Variants in BICRA observed in about 807,000 individuals in gnomAD.
The protein encoded by BICRA is BRD4 interacting chromatin remodeling complex associated protein, also known as BRD4-interacting chromatin-remodeling complex-associated protein.
A neutral mutation model predicts 96.9 loss-of-function variants in BICRA; 31 were observed. The ratio of observed to expected loss-of-function variants is 0.32; its 90% CI spans 0.24 to 0.43. BICRA has a LOEUF of 0.43. Ranked by LOEUF, BICRA falls within the 20% of genes least tolerant of loss-of-function variation. The pLI, the probability that BICRA is intolerant of heterozygous loss-of-function variation, is 1.00. For synonymous variants in BICRA, 1,350 were observed against 1,071.8 expected (o/e 1.26, Z -5.07); for missense variants, 2,283 against 2,190.3 (o/e 1.04, Z -0.84).
chr19:47,616,898 G>A (rs1253365680), intron 1 of BICRA, among the ~76,000 whole-genome samples: 5 of 149,134 alleles, frequency 3.4e-5, no homozygotes, highest in Non-Finnish European at 6.0e-5. Flanking sequence ...GTGTGATCTT[G>A]GCTCACTGCA....
chr19:47,695,166 G>A (rs974921315), intron 9 of BICRA, 86 bp downstream of exon 9: 1 of 938,828 alleles, frequency 1.1e-6, no homozygotes. Context: ...GGCTGGGGCA[G>A]GGCTGTGGGA....
intron 7 of BICRA, among the ~76,000 whole-genome samples, chr19:47,692,959 T>C (rs1482130799): frequency 6.6e-6 from 1 of 152,256 alleles, no homozygotes; most frequent in Non-Finnish European, 1.5e-5. Flanking sequence ...CAGTTCCGCC[T>C]TCACCAGCCT....
Position 47,701,959 on chromosome 19 carries a change from A to C in BICRA, c.4227A>C (p.Ala1409=), listed in dbSNP as rs1336528534. 1 of 1,456,656 alleles carries C rather than the reference A, an allele frequency of 6.9e-7. No homozygotes were observed. The allele number at this position is 1,456,656 out of a possible 1,614,324, so 90.2% of individuals were successfully genotyped here. Residue 1409 remains alanine, a synonymous_variant, in exon 15 of 15, where the codon GCA becomes GCC. Coordinates refer to ENST00000594866, the MANE Select transcript of BICRA (RefSeq NM_001394372.1). This position sits in a 1 kb window ranked among gnomAD's most constrained non-coding sequence, Gnocchi z 5.4. ...GAPEGTPAGR[A]RGGSPAPLPA... is the part of the protein sequence containing the mutation. ...CGGAGGGGACGCCCGCAGGCAGGGCACGGGGAGGCAGCCCGGCGCCGCTGC... is the reference window on the plus strand; with the variant it reads ...CGGAGGGGACGCCCGCAGGCAGGGCCCGGGGAGGCAGCCCGGCGCCGCTGC...
intron 1 of BICRA, among the ~76,000 whole-genome samples, chr19:47,657,238 C>G (rs1972632468): frequency 6.6e-6 from 1 of 152,112 alleles, no homozygotes; most frequent in African/African-American, 2.4e-5. Flanking sequence ...TCAGCATGAT[C>G]CATTTAAGAC....
upstream of BICRA, among the ~76,000 whole-genome samples, chr19:47,608,893 GTTTTTTT>G (rs368469481): frequency 7.7e-6 from 1 of 129,488 alleles, no homozygotes; most frequent in Non-Finnish European, 1.6e-5. Flanking sequence ...AACCTGAGAG[GTTTTTTT>G]TTTTTTTTTT....
chr19:47,696,930 C>G (rs750529866), intron 11 of BICRA, among the ~76,000 whole-genome samples: 25 of 151,600 alleles, frequency 1.6e-4, no homozygotes, highest in Non-Finnish European at 3.1e-4. Flanking sequence ...GGAGTCTGGG[C>G]GGATGGATGG....
At chr19:47,672,426 G>T (rs1303706928) in intron 2 of BICRA, among the ~76,000 whole-genome samples, 1 of 150,956 alleles carries the variant, frequency 6.6e-6, no homozygotes, top group Non-Finnish European at 1.5e-5. Context: ...GAAGGATGGA[G>T]GGATGGGTAG....
chr19:47,698,880 ATGCTGACCCTGCCCCGCCCTCCTTC>A lies in BICRA; in HGVS notation c.3398-84_3398-60del. The A allele has an allele frequency of 2.2e-6, 3 of 1,347,948 alleles. No homozygotes were observed. Among genetic ancestry groups the A allele is most frequent in the Non-Finnish European group, 3.1e-6 (3 of 962,078 alleles). 83.5% of individuals were successfully genotyped at this position (1,347,948 alleles called of 1,614,324 possible). A position where few individuals can be genotyped will look rare whatever the true frequency, so the allele number is the denominator to read the frequency against. On this transcript the variant is annotated intron_variant, in intron 12 of 14. Transcript: ENST00000594866. This position sits in a 1 kb window ranked among gnomAD's most constrained non-coding sequence, Gnocchi z 4.8. ...TGGAGCCGCAGGTCCACGGTGCGCTATGCTGACCCTGCCCCGCCCTCCTTCCTGCGCATCCGCGGCCGCCCCCAAC... is the reference window on the plus strand; with the variant it reads ...TGGAGCCGCAGGTCCACGGTGCGCTACTGCGCATCCGCGGCCGCCCCCAAC...
chr19:47,666,344 A>G (rs372946225), intron 1 of BICRA, among the ~76,000 whole-genome samples: 22 of 151,184 alleles, frequency 1.5e-4, no homozygotes, highest in Non-Finnish European at 1.3e-4. Context: ...CAGTGGCGCA[A>G]TCTCAGCTCA....
intron 1 of BICRA, chr19:47,663,546 G>C (rs140749059): frequency 3.3e-5 from 5 of 152,192 alleles, no homozygotes; most frequent in Admixed American, 1.3e-4. Flanking sequence ...GCAAAAGACT[G>C]TCTTTCTGGA....
Position 47,695,407 on chromosome 19 carries a change from G to A in BICRA, c.3119G>A (p.Ser1040Asn). ...CCAGCCGAGAACAAGGCTTTTGCCA[G>A]CAACCTCCCGACCCTGAATGTGGCC... ...LLPAENKAFASNLPTLNVAKA... is the reference protein window; with the variant it reads ...LLPAENKAFANNLPTLNVAKA... The change falls in exon 10 of 15, where the codon AGC becomes AAC. Residue 1040 changes from serine to asparagine, a missense_variant. Transcript: ENST00000594866. 1.3e-6 allele frequency: 2 copies of A among 1,570,300 alleles called. No homozygotes were observed. Among genetic ancestry groups the A allele is most frequent in the South Asian group, 2.3e-5 (2 of 87,494 alleles).
intron 1 of BICRA, among the ~76,000 whole-genome samples, chr19:47,654,829 A>C (rs1470527738): frequency 6.6e-6 from 1 of 151,862 alleles, no homozygotes; most frequent in Admixed American, 6.6e-5. Flanking sequence ...ACACCTGTAA[A>C]AGCCCCTAAC....
intron 1 of BICRA, among the ~76,000 whole-genome samples, chr19:47,667,175 C>T (rs977663595): frequency 2.6e-5 from 4 of 152,144 alleles, no homozygotes; most frequent in Admixed American, 2.6e-4. Flanking sequence ...CCCACCCCCA[C>T]GCCGGGCTCA....
intron 1 of BICRA, among the ~76,000 whole-genome samples, chr19:47,650,346 T>C (rs1972523229): frequency 6.6e-6 from 1 of 152,160 alleles, no homozygotes; most frequent in African/African-American, 2.4e-5. Context: ...TTGGCCAGAC[T>C]AGTCTCAAAC....
Position 47,680,113 on chromosome 19 carries a change from G to T in BICRA, c.943G>T (p.Ala315Ser). 6.5e-7 allele frequency: 1 copy of T among 1,536,368 alleles called. No individual in the cohort carries two copies. Among genetic ancestry groups the T allele is most frequent in the Non-Finnish European group, 8.7e-7 (1 of 1,153,082 alleles). ...SVFGGAGAAS[A>S]PTGTPSGQPL... ...GTTCGGAGGCGCGGGGGCCGCCTCG[G>T]CTCCCACCGGGACGCCCTCGGGACA... The change falls in exon 6 of 15, where the codon GCT (alanine) becomes TCT (serine). Residue 315 changes from alanine (A) to serine (S), a missense_variant. Physicochemically the swap from Ala to Ser is moderately conservative, Grantham distance 99. Transcript: ENST00000594866.
At position 47,701,989 on chromosome 19, in the gene BICRA, C is replaced by G. The variant is rs1973462967; in HGVS notation, c.4257C>G (p.Ala1419=). The G allele has an allele frequency of 4.1e-6, 6 of 1,480,358 alleles. No individual in the cohort carries two copies. The highest frequency in any genetic ancestry group is 5.3e-6 in the Non-Finnish European group (6 of 1,124,712). The allele number at this position is 1,480,358 out of a possible 1,614,324, so 91.7% of individuals were successfully genotyped here. The change falls in exon 15 of 15, where the codon GCC becomes GCG. Residue 1419 remains alanine, a synonymous_variant. Coordinates refer to ENST00000594866, the MANE Select transcript of BICRA (RefSeq NM_001394372.1). This position sits in a 1 kb window ranked among gnomAD's most constrained non-coding sequence, Gnocchi z 5.4. The part of the protein sequence containing the change: ...ARGGSPAPLP[A]KVDEATSGLI... ...GAGGCAGCCCGGCGCCGCTGCCCGC[C>G]AAAGTGGACGAGGCCACCAGCGGGC...
At chr19:47,673,936 T>G (rs4801730) in intron 4 of BICRA, among the ~76,000 whole-genome samples, 174 bp downstream of exon 4, 49,807 of 151,942 alleles carry the variant, frequency 0.33, 10,450 homozygotes, top group African/African-American at 0.59. Context: ...CTGTCCTCCT[T>G]CCATGGACAC....
chr19:47,679,644 C>T lies in BICRA; in HGVS notation c.474C>T (p.Ala158=), dbSNP rs1420168262. ...CGGCCGTGGCTGCGGGGCCCCAAGCCCTCTTCCCAGGCAGCACCGACCTGC... is the reference window on the plus strand; with the variant it reads ...CGGCCGTGGCTGCGGGGCCCCAAGCTCTCTTCCCAGGCAGCACCGACCTGC... ...GAAAVAAGPQ[A]LFPGSTDLLG... Residue 158 remains alanine (A), a synonymous_variant, in exon 6 of 15, where the codon GCC becomes GCT. Transcript: ENST00000594866. 3 of 1,512,780 alleles carry T rather than the reference C, an allele frequency of 2.0e-6. No individual in the cohort carries two copies. The highest frequency in any genetic ancestry group is 1.4e-5 in the African/African-American group (1 of 71,974). The allele number at this position is 1,512,780 out of a possible 1,614,324, so 93.7% of individuals were successfully genotyped here.
At chr19:47,644,486 T>TCCCCTA (rs1413333049) in intron 1 of BICRA, among the ~76,000 whole-genome samples, 77 of 115,552 alleles carry the variant, frequency 6.7e-4, no homozygotes, top group African/African-American at 2.4e-3. Context: ...CCCTTCCCCT[T>TCCCCTA]CCCCTACCCC....
Sources: gnomAD v4.1 joint callset for allele counts (sites outside exome capture counted in the v4.1 genomes callset) on GRCh38, gnomAD v4.1.1 for gene constraint, Gnocchi (gnomAD v3.1) non-coding constraint, MANE v1.5 for transcripts, NCBI Gene and HGNC (gene_info 2026-07-23, HGNC 2026-07-21) for gene names.